The following LRFN2 variants were observed in gnomAD, a reference collection of about 807,000 sequenced individuals.
The protein encoded by LRFN2 is leucine rich repeat and fibronectin type III domain containing 2.
A neutral mutation model predicts 37.3 loss-of-function variants in LRFN2; 18 were observed. That is an observed-to-expected ratio of 0.48 (90% CI 0.33 to 0.72). The LOEUF is 0.72. Ranked by LOEUF, LRFN2 falls within the 30% of genes least tolerant of loss-of-function variation. The pLI is 0.02. For missense variants in LRFN2, 1,006 were observed against 1,060.7 expected (o/e 0.95, Z 0.72); for synonymous variants, 556 against 466.6 (o/e 1.19, Z -2.47).
intron 1 of LRFN2, among the ~76,000 whole-genome samples, chr6:40,466,291 A>G (rs1764464845): frequency 6.6e-6 from 1 of 152,204 alleles, no homozygotes; most frequent in Non-Finnish European, 1.5e-5. Flanking sequence ...AGGAGAACCT[A>G]TAAATGCGTT....
intron 1 of LRFN2, among the ~76,000 whole-genome samples, chr6:40,534,334 A>C (rs1766409042): frequency 6.6e-6 from 1 of 152,168 alleles, no homozygotes; most frequent in Admixed American, 6.5e-5. Flanking sequence ...CCCCCAAGGA[A>C]AATGTGAATT....
Position 40,494,829 on chromosome 6 carries a change from T to A in LRFN2, c.-18-61698A>T, listed in dbSNP as rs79609676. On this transcript the variant is annotated intron_variant, in intron 1 of 2. Coordinates refer to ENST00000338305, the MANE Select transcript of LRFN2 (RefSeq NM_020737.3). ...CTGATTGAGAGCCCCAATCCATTCA[T>A]CTTGTTCACTGTTGATGAAACAGTG... Among the ~76,000 whole-genome samples, 599 of 152,322 alleles carry A rather than the reference T, an allele frequency of 3.9e-3. 3 individuals carry two copies. The highest frequency in any genetic ancestry group is 0.013 in the African/African-American group (557 of 41,570).
At chr6:40,510,554 C>T (rs977088154) in intron 1 of LRFN2, among the ~76,000 whole-genome samples, 1 of 152,218 alleles carries the variant, frequency 6.6e-6, no homozygotes, top group African/African-American at 2.4e-5. Flanking sequence ...TGAGCTCCTA[C>T]ATGATGCCAG....
At chr6:40,426,796 C>T (rs937568572) in intron 2 of LRFN2, among the ~76,000 whole-genome samples, 2 of 152,152 alleles carry the variant, frequency 1.3e-5, no homozygotes, top group Non-Finnish European at 2.9e-5. Flanking sequence ...TCTCATCAGC[C>T]CTCCTCTGGA....
At chr6:40,469,545 T>C (rs1764547854) in intron 1 of LRFN2, among the ~76,000 whole-genome samples, 1 of 152,184 alleles carries the variant, frequency 6.6e-6, no homozygotes, top group African/African-American at 2.4e-5. Flanking sequence ...AGTCATCCCA[T>C]AATGAGCTTA....
At chr6:40,403,202 C>T (rs1219405406) in intron 2 of LRFN2, among the ~76,000 whole-genome samples, 1 of 152,170 alleles carries the variant, frequency 6.6e-6, no homozygotes, top group Non-Finnish European at 1.5e-5. Flanking sequence ...TGTTTCTGGC[C>T]TAGAGATCAG....
intron 1 of LRFN2, among the ~76,000 whole-genome samples, chr6:40,549,276 G>T (rs1251824545): frequency 3.3e-5 from 5 of 152,186 alleles, no homozygotes; most frequent in Non-Finnish European, 7.3e-5. Flanking sequence ...TTTGCGCCAA[G>T]ATGTCAACTG....
chr6:40,533,507 G>T (rs1271293888), intron 1 of LRFN2, among the ~76,000 whole-genome samples: 3 of 151,760 alleles, frequency 2.0e-5, no homozygotes, highest in Non-Finnish European at 2.9e-5. Flanking sequence ...GACCATTACT[G>T]GCTATTGATT....
At position 40,570,576 on chromosome 6, in the gene LRFN2, A is replaced by T. The variant is rs2494940; in HGVS notation, c.-19+16365T>A. ...CCCCACATTGTTCACAGGCTGCAAG[A>T]GAGAAGCAATAAACCAACAAGCAGA... On this transcript the variant is annotated intron_variant, in intron 1 of 2. Coordinates refer to ENST00000338305, the MANE Select transcript of LRFN2 (RefSeq NM_020737.3). Among the ~76,000 whole-genome samples, 425 of 152,264 alleles carry T rather than the reference A, an allele frequency of 2.8e-3. 3 individuals carry two copies. The highest frequency in any genetic ancestry group is 9.6e-3 in the African/African-American group (398 of 41,548).
At chr6:40,476,790 C>T (rs910243433) in intron 1 of LRFN2, among the ~76,000 whole-genome samples, 2 of 152,228 alleles carry the variant, frequency 1.3e-5, no homozygotes, top group South Asian at 4.1e-4. Flanking sequence ...TGAGAGCAGG[C>T]GTGACCCACA....
At chr6:40,517,073 C>T (rs983572866) in intron 1 of LRFN2, among the ~76,000 whole-genome samples, 1 of 152,136 alleles carries the variant, frequency 6.6e-6, no homozygotes, top group Non-Finnish European at 1.5e-5. Flanking sequence ...GAAAGAACAG[C>T]CCTCCTGTGG....
chr6:40,431,948 G>A lies in LRFN2; in HGVS notation c.1166C>T (p.Thr389Ile). Residue 389 changes from threonine (T) to isoleucine (I), a missense_variant, in exon 2 of 3, where the codon ACT becomes ATT. Physicochemically the swap from Thr to Ile is moderately conservative, Grantham distance 89. Around this residue, in one of 4 missense-constraint regions of LRFN2, gnomAD observed 303 missense variants for 299.8 expected, o/e 1.01. Transcript: ENST00000338305. ...TGAGAGGCGGGACTTGGGGGGTGCA[G>A]TGCGGCTGGTGCTGTTGCTGAGGTG... is the stretch of plus-strand genomic sequence containing the variant. ...LPHLSNSTSR[T>I]APPKSRLSDI... The A allele has an allele frequency of 6.2e-7, 1 of 1,613,550 alleles. No homozygotes were observed. The highest frequency in any genetic ancestry group is 1.1e-5 in the South Asian group (1 of 91,074).
chr6:40,435,052 T>TAGAGAGAGAGAGAGAG (rs1202054790), intron 1 of LRFN2, among the ~76,000 whole-genome samples: 4 of 37,536 alleles, frequency 1.1e-4, no homozygotes, highest in African/African-American at 2.8e-4. Flanking sequence ...TATATATATA[T>TAGAGAGAGAGAGAGAG]AGAGAGAGAG....
intron 1 of LRFN2, among the ~76,000 whole-genome samples, chr6:40,584,053 C>G (rs1767455530): frequency 6.6e-6 from 1 of 152,192 alleles, no homozygotes; most frequent in Non-Finnish European, 1.5e-5. Context: ...GAAATTTGCT[C>G]CTCAACCATC....
chr6:40,574,803 G>A (rs1767247735), intron 1 of LRFN2, among the ~76,000 whole-genome samples: 1 of 152,156 alleles, frequency 6.6e-6, no homozygotes, highest in Non-Finnish European at 1.5e-5. Flanking sequence ...GTGAAGATGT[G>A]CAGGGCTGCA....
At chr6:40,467,486 G>A (rs1187314611) in intron 1 of LRFN2, among the ~76,000 whole-genome samples, 1 of 152,128 alleles carries the variant, frequency 6.6e-6, no homozygotes, top group Non-Finnish European at 1.5e-5. Context: ...ACATCTCAGT[G>A]GCACAGACAT....
At position 40,540,658 on chromosome 6, in the gene LRFN2, G is replaced by T. The variant is rs184933819; in HGVS notation, c.-19+46283C>A. 1.3e-3 allele frequency among the ~76,000 whole-genome samples: 193 copies of T among 152,298 alleles called. 2 individuals are homozygous for T. The highest frequency in any genetic ancestry group is 4.9e-4 in the Non-Finnish European group (33 of 68,034). On this transcript the variant is annotated intron_variant, in intron 1 of 2. Transcript: ENST00000338305. ...TCGTTGAGAGCAGAAAACACAATGG[G>T]GTTTTCATTATGAAGGAGAAACACG...
chr6:40,532,597 C>A (rs895973478), intron 1 of LRFN2, among the ~76,000 whole-genome samples: 4 of 152,182 alleles, frequency 2.6e-5, no homozygotes, highest in African/African-American at 9.7e-5. Flanking sequence ...CCTCTGCCTG[C>A]CCTGCCTACG....
intron 1 of LRFN2, among the ~76,000 whole-genome samples, chr6:40,463,262 T>G (rs1391740414): frequency 2.0e-5 from 3 of 152,178 alleles, no homozygotes; most frequent in Non-Finnish European, 4.4e-5. Flanking sequence ...ATAATAGTAT[T>G]TTGTCTACAA....
Sources: gnomAD v4.1 joint callset for allele counts (sites outside exome capture counted in the v4.1 genomes callset) on GRCh38, gnomAD v4.1.1 for gene constraint, gnomAD v4.1.1 regional missense constraint, MANE v1.5 for transcripts, NCBI Gene and HGNC (gene_info 2026-07-23, HGNC 2026-07-21) for gene names.